Variants in NAA25 observed in about 807,000 individuals in gnomAD.
NAA25 encodes N-terminal acetyltransferase B complex subunit NAA25.
Under a neutral mutation model 132.5 loss-of-function variants are expected in NAA25, and 30 were observed. The observed-to-expected ratio is 0.23, with a 90% CI of 0.17 to 0.31. The LOEUF is 0.31. Ranked by LOEUF, NAA25 falls within the 10% of genes least tolerant of loss-of-function variation. The pLI is 1.00. For synonymous variants in NAA25, 359 were observed against 401.9 expected (o/e 0.89, Z 1.28); for missense variants, 771 against 1,150.4 (o/e 0.67, Z 4.77).
chr12:112,087,955 T>A (rs966277649), intron 3 of NAA25, among the ~76,000 whole-genome samples, 154 bp from the exon 4 acceptor site: 1 of 152,248 alleles, frequency 6.6e-6, no homozygotes, highest in Non-Finnish European at 1.5e-5. Flanking sequence ...CTTGGTTAGG[T>A]GGTGTTTAAA....
intron 1 of NAA25, among the ~76,000 whole-genome samples, chr12:112,104,376 A>C (rs1209084754): frequency 6.6e-6 from 1 of 152,142 alleles, no homozygotes; most frequent in East Asian, 1.9e-4. Context: ...CAATTATCTA[A>C]AAATATGAGC....
At chr12:112,056,131 C>T (rs891540215) in intron 13 of NAA25, among the ~76,000 whole-genome samples, 3 of 152,206 alleles carry the variant, frequency 2.0e-5, no homozygotes, top group South Asian at 2.1e-4. Flanking sequence ...GTCAGGAATT[C>T]GAGACCAGCC....
chr12:112,067,468 A>C (rs914510606), intron 11 of NAA25, among the ~76,000 whole-genome samples: 5 of 152,140 alleles, frequency 3.3e-5, no homozygotes, highest in Non-Finnish European at 5.9e-5. Context: ...CAGCAATTTG[A>C]AAGGCTGAGG....
At chr12:112,099,161 T>C (rs2079256830) in intron 1 of NAA25, among the ~76,000 whole-genome samples, 1 of 152,184 alleles carries the variant, frequency 6.6e-6, no homozygotes, top group Non-Finnish European at 1.5e-5. Flanking sequence ...TAATTTTTTT[T>C]GTACTTTTAG....
At chr12:112,033,091 G>T in intron 23 of NAA25, 142 bp downstream of exon 23, 1 of 994,570 alleles carries the variant, frequency 1.0e-6, no homozygotes, top group Non-Finnish European at 1.4e-6. Context: ...AGAAACTACT[G>T]CCAAGCACCT....
chr12:112,029,644 TTC>T lies in NAA25; in HGVS notation c.2804_2805del (p.Arg935LysfsTer30). 6.2e-7 allele frequency: 1 copy of T among 1,613,270 alleles called. No individual in the cohort carries two copies. Among genetic ancestry groups the T allele is most frequent in the Non-Finnish European group, 8.5e-7 (1 of 1,179,820 alleles). On this transcript the variant is annotated frameshift_variant, in exon 24 of 24. Coordinates refer to ENST00000261745, the MANE Select transcript of NAA25 (RefSeq NM_024953.4). LOFTEE classifies it high-confidence loss of function. The part of the protein sequence containing the change: ...LEDTSLSPEE[R>X]KFSKTVQGKV... Reference sequence around the variant, plus strand: ...TTCCCTTGCACAGTCTTTGAAAATTTTCTCTCTTCCTATAAAGGAGGAGACAA... The same window carrying T: ...TTCCCTTGCACAGTCTTTGAAAATTTTCTCTTCCTATAAAGGAGGAGACAA...
At chr12:112,054,344 C>G (rs1187570816) in intron 14 of NAA25, 44 bp downstream of exon 14, 2 of 1,556,250 alleles carry the variant, frequency 1.3e-6, no homozygotes, top group Admixed American at 3.5e-5. Flanking sequence ...GTACCCCACA[C>G]TGGTATAGCT....
intron 1 of NAA25, among the ~76,000 whole-genome samples, chr12:112,098,890 C>T (rs994565423): frequency 1.3e-5 from 2 of 152,136 alleles, no homozygotes; most frequent in Non-Finnish European, 2.9e-5. Context: ...AGGCGTGAGC[C>T]ACCACGCCTG....
At chr12:112,104,438 AG>A (rs2079334574) in intron 1 of NAA25, among the ~76,000 whole-genome samples, 1 of 152,220 alleles carries the variant, frequency 6.6e-6, no homozygotes, top group African/African-American at 2.4e-5. Context: ...AATAAATAAA[AG>A]TATGGGGTAG....
intron 7 of NAA25, among the ~76,000 whole-genome samples, chr12:112,076,998 AAAC>A (rs1229350080): frequency 2.6e-5 from 4 of 151,050 alleles, no homozygotes; most frequent in Non-Finnish European, 5.9e-5. Context: ...CCTGTCTCAA[AAAC>A]AACAACAACA....
chr12:112,074,386 T>C (rs939558475), intron 9 of NAA25, among the ~76,000 whole-genome samples: 1 of 150,456 alleles, frequency 6.6e-6, no homozygotes. Flanking sequence ...AAAATTATCT[T>C]AGCATAAAGA....
chr12:112,087,733 G>A lies in NAA25; in HGVS notation c.352C>T (p.His118Tyr). ...KVPNSEEYHS[H>Y]LFMAYARVGE... ...ACTCTGGCATAGGCCATGAAGAGGT[G>A]AGAGTGATACTCCTCACTATTGGGA... Residue 118 changes from histidine (H) to tyrosine (Y), a missense_variant, in exon 4 of 24, where the codon CAC becomes TAC. Around this residue, in one of 3 missense-constraint regions of NAA25, gnomAD observed 417 missense variants for 733.8 expected, o/e 0.57. Coordinates refer to ENST00000261745, the MANE Select transcript of NAA25 (RefSeq NM_024953.4). 6.2e-7 allele frequency: 1 copy of A among 1,614,126 alleles called. No homozygotes were observed. Among genetic ancestry groups the A allele is most frequent in the East Asian group, 2.2e-5 (1 of 44,866 alleles).
At chr12:112,102,934 G>A (rs1331697704) in intron 1 of NAA25, among the ~76,000 whole-genome samples, 1 of 151,928 alleles carries the variant, frequency 6.6e-6, no homozygotes, top group African/African-American at 2.4e-5. Flanking sequence ...ATGATCCGCC[G>A]GCCTCGGCTT....
chr12:112,059,169 G>C (rs1464372423), intron 13 of NAA25, among the ~76,000 whole-genome samples: 1 of 146,354 alleles, frequency 6.8e-6, no homozygotes, highest in Non-Finnish European at 1.5e-5. Flanking sequence ...TCTACTCTGA[G>C]GCTAAGGCAT....
chr12:112,080,428 T>C (rs1233072596), intron 5 of NAA25, among the ~76,000 whole-genome samples: 2 of 151,986 alleles, frequency 1.3e-5, no homozygotes, highest in Non-Finnish European at 2.9e-5. Context: ...TCCCAGCACT[T>C]TGGGAGGCTG....
At chr12:112,077,611 T>G (rs1352384261) in intron 7 of NAA25, among the ~76,000 whole-genome samples, 2 of 152,002 alleles carry the variant, frequency 1.3e-5, no homozygotes, top group Non-Finnish European at 2.9e-5. Context: ...CAGTGAGACC[T>G]CATCTCTTTA....
At chr12:112,058,748 A>C (rs1419217118) in intron 13 of NAA25, among the ~76,000 whole-genome samples, 9 of 151,996 alleles carry the variant, frequency 5.9e-5, no homozygotes, top group Middle Eastern at 3.4e-3. Context: ...ACAAGGCAAA[A>C]CCTTGTCTCT....
At chr12:112,091,455 G>A (rs1278630281) in intron 2 of NAA25, among the ~76,000 whole-genome samples, 3 of 151,958 alleles carry the variant, frequency 2.0e-5, no homozygotes, top group African/African-American at 4.8e-5. Flanking sequence ...TTGGAAGGCC[G>A]AGGCGGGAGG....
At chr12:112,072,119 G>C (rs1309912540) in intron 9 of NAA25, 55 bp from the exon 10 acceptor site, 1 of 1,430,730 alleles carries the variant, frequency 7.0e-7, no homozygotes, top group Admixed American at 2.3e-5. Context: ...CCTTCCCGAA[G>C]CTTAAAGTCA....
Sources: allele counts gnomAD v4.1 joint callset (sites outside exome capture counted in the v4.1 genomes callset), GRCh38; gene constraint gnomAD v4.1.1; regional missense constraint gnomAD v4.1.1; transcripts MANE v1.5; gene names NCBI Gene and HGNC (gene_info 2026-07-23, HGNC 2026-07-21).